TRIM71: variants seen among roughly 807,000 people sequenced by gnomAD.
TRIM71 encodes tripartite motif containing 71, also known as E3 ubiquitin-protein ligase TRIM71.
Under a neutral mutation model 61.2 loss-of-function variants are expected in TRIM71, and 9 were observed. The ratio of observed to expected loss-of-function variants is 0.15; its 90% confidence interval spans 0.09 to 0.26. The LOEUF (loss-of-function observed/expected upper bound fraction) is 0.26, where lower values mean the gene tolerates loss of function less well. TRIM71 is among the 10% of genes least tolerant of loss of function. The pLI is 1.00. For missense variants in TRIM71, 998 were observed against 1,238.7 expected, an observed-to-expected ratio of 0.81 and a Z score of 2.92; for synonymous variants, 645 against 553.2, an observed-to-expected ratio of 1.17 and a Z score of -2.33.
rs1374194681 is a variant in TRIM71 at position 32,842,770 on chromosome 3, C to T, written c.852+23838C>T. ...GGCTCTTCTGATCCCCATCTCCCCACCCCCACCCAAGAACCCTCTGTTCTG... is the reference window on the plus strand; with the variant it reads ...GGCTCTTCTGATCCCCATCTCCCCATCCCCACCCAAGAACCCTCTGTTCTG... On this transcript the variant is annotated intron_variant, in intron 1 of 3. Coordinates refer to ENST00000383763, the MANE Select transcript of TRIM71 (RefSeq NM_001039111.3). Among the ~76,000 whole-genome samples the T allele has an allele frequency of 5.3e-5, 8 of 152,038 alleles. No homozygotes were observed. In the South Asian group the frequency reaches 1.2e-3, roughly 24 times the overall value.
In TRIM71 at chr3:32,894,208, A is replaced by G. The variant is rs1362872346; in HGVS notation, c.*2397A>G. On this transcript the variant is annotated 3_prime_UTR_variant, in exon 4 of 4. Coordinates refer to ENST00000383763, the MANE Select transcript of TRIM71 (RefSeq NM_001039111.3). ...TTAAACACCAAAGACAACTGGTTTT[A>G]AATGCTTGAAAAAAATTTTATTGAG... 1 of 152,000 alleles carries G rather than the reference A, an allele frequency of 6.6e-6. No individual in the cohort carries two copies. Among genetic ancestry groups the G allele is most frequent in the Non-Finnish European group, 1.5e-5 (1 of 68,008 alleles). 9.4% of individuals were successfully genotyped at this position (152,000 alleles called of 1,614,324 possible).
rs573484985 is a variant in TRIM71 at position 32,867,155 on chromosome 3, C to T, written c.853-6663C>T. On this transcript the variant is annotated intron_variant, in intron 1 of 3. Coordinates refer to ENST00000383763, the MANE Select transcript of TRIM71 (RefSeq NM_001039111.3). ...GACCCCACTGCAGATTGTTCTTGGA[C>T]ACTCCCACTTTTACCACCCCCCTCC... 2.6e-5 allele frequency among the ~76,000 whole-genome samples: 4 copies of T among 152,102 alleles called. No homozygotes were observed. The South Asian group carries it at 8.3e-4, about 32-fold the overall frequency.
intron 1 of TRIM71, among the ~76,000 whole-genome samples, chr3:32,850,036 C>T (rs1696520722): frequency 6.6e-6 from 1 of 152,150 alleles, no homozygotes; most frequent in African/African-American, 2.4e-5. Context: ...AAAAATGAAA[C>T]AAAACCCCAC....
chr3:32,888,434 CAAAAAAAAAAAAAAAAAAAAAAA>C (rs56834147), intron 3 of TRIM71, among the ~76,000 whole-genome samples: 36,594 of 96,010 alleles, frequency 0.38, 5,931 homozygotes, highest in Middle Eastern at 0.47. Flanking sequence ...CCATCTCTAC[CAAAAAAAAAAAAAAAAAAAAAAA>C]AAAAAAAAAA....
intron 1 of TRIM71, among the ~76,000 whole-genome samples, chr3:32,828,502 CTTTTTTTT>C (rs67014189): frequency 5.4e-5 from 5 of 93,248 alleles, no homozygotes; most frequent in Non-Finnish European, 8.1e-5. Flanking sequence ...CAATTGTAAA[CTTTTTTTT>C]TTTTTTTTTT....
rs1182178339 is a variant in TRIM71 at position 32,833,184 on chromosome 3, T to TAAAAAAAA, written c.852+14273_852+14280dup. ...GGTGACAAGAATGAAACTCTGTCTT[T>TAAAAAAAA]AAAAAAAAAAAAAAAAAAAAAAAAA... On this transcript the variant is annotated intron_variant, in intron 1 of 3. Coordinates refer to ENST00000383763, the MANE Select transcript of TRIM71 (RefSeq NM_001039111.3). Among the ~76,000 whole-genome samples the TAAAAAAAA allele has an allele frequency of 3.7e-3, 204 of 54,410 alleles. 9 individuals are homozygous for TAAAAAAAA. Among genetic ancestry groups the TAAAAAAAA allele is most frequent in the East Asian group, 8.6e-3 (10 of 1,158 alleles). The allele number at this position is 54,410 out of a possible 152,430, so 35.7% of individuals were successfully genotyped here.
At chr3:32,840,307 A>C (rs1696389524) in intron 1 of TRIM71, among the ~76,000 whole-genome samples, 1 of 149,950 alleles carries the variant, frequency 6.7e-6, no homozygotes, top group Non-Finnish European at 1.5e-5. Context: ...TGATGTAGGC[A>C]CTCTTTTAAA....
intron 1 of TRIM71, among the ~76,000 whole-genome samples, chr3:32,848,842 C>T (rs1696506547): frequency 6.6e-6 from 1 of 152,114 alleles, no homozygotes; most frequent in Admixed American, 6.6e-5. Flanking sequence ...GCTGAGCTTT[C>T]ATGTGGTAGT....
At chr3:32,830,835 TTTG>T (rs1436563969) in intron 1 of TRIM71, among the ~76,000 whole-genome samples, 1 of 151,994 alleles carries the variant, frequency 6.6e-6, no homozygotes, top group Non-Finnish European at 1.5e-5. Flanking sequence ...TGTTTTGATG[TTTG>T]TTTGTTTTTT....
In TRIM71 at chr3:32,896,120, A is replaced by T. The variant is rs1316763120; in HGVS notation, c.*4309A>T. ...ATGAAACTACTGGTTAATCTGACCT[A>T]TTGGAGGACTTAACTACAAATAAAG... On this transcript the variant is annotated 3_prime_UTR_variant, in exon 4 of 4. Coordinates refer to ENST00000383763, the MANE Select transcript of TRIM71 (RefSeq NM_001039111.3). The T allele has an allele frequency of 6.6e-6, 1 of 152,224 alleles. No homozygotes were observed. Among genetic ancestry groups the T allele is most frequent in the Non-Finnish European group, 1.5e-5 (1 of 68,034 alleles). 9.4% of individuals were successfully genotyped at this position (152,224 alleles called of 1,614,324 possible).
At chr3:32,830,839 T>C (rs915963041) in intron 1 of TRIM71, among the ~76,000 whole-genome samples, 4 of 152,088 alleles carry the variant, frequency 2.6e-5, no homozygotes, top group Non-Finnish European at 5.9e-5. Context: ...TTGATGTTTG[T>C]TTGTTTTTTT....
chr3:32,867,660 G>A (rs780979345), intron 1 of TRIM71, among the ~76,000 whole-genome samples: 1 of 152,120 alleles, frequency 6.6e-6, no homozygotes, highest in African/African-American at 2.4e-5. Context: ...TTTGAAGTCT[G>A]TATGCATTGT....
At chr3:32,889,559 A>AGTT (rs1553647452) in intron 3 of TRIM71, among the ~76,000 whole-genome samples, 1 of 139,604 alleles carries the variant, frequency 7.2e-6, no homozygotes, top group East Asian at 2.1e-4. Context: ...GTTTTGTCCC[A>AGTT]ATTATTATTA....
intron 1 of TRIM71, among the ~76,000 whole-genome samples, chr3:32,836,856 AAT>A (rs1418234971): frequency 6.6e-6 from 1 of 152,184 alleles, no homozygotes; most frequent in Non-Finnish European, 1.5e-5. Flanking sequence ...CTATTAAGGA[AAT>A]AGTCTCTGCA....
chr3:32,842,338 C>G (rs1017642761), intron 1 of TRIM71, among the ~76,000 whole-genome samples: 1 of 152,216 alleles, frequency 6.6e-6, no homozygotes, highest in Non-Finnish European at 1.5e-5. Flanking sequence ...TTTCATGACT[C>G]AAGCTTGCCT....
At chr3:32,889,536 A>G (rs1178076384) in intron 3 of TRIM71, among the ~76,000 whole-genome samples, 1 of 149,858 alleles carries the variant, frequency 6.7e-6, no homozygotes, top group African/African-American at 2.4e-5. Flanking sequence ...CTCCAGATTT[A>G]CTGATTATGT....
chr3:32,841,202 G>A (rs933165930), intron 1 of TRIM71, among the ~76,000 whole-genome samples: 1 of 152,070 alleles, frequency 6.6e-6, no homozygotes, highest in Non-Finnish European at 1.5e-5. Context: ...CTGAGATCGC[G>A]CCACTGCACT....
chr3:32,890,346 G>C lies in TRIM71; in HGVS notation c.1156-14G>C, dbSNP rs1321301143. 5 of 1,601,958 alleles carry C rather than the reference G, an allele frequency of 3.1e-6. No homozygotes were observed. The African/African-American group carries it at 5.4e-5, about 17-fold the overall frequency. On this transcript the variant is annotated splice_polypyrimidine_tract_variant and intron_variant, in intron 3 of 3. Transcript: ENST00000383763. This position sits in a 1 kb window ranked among gnomAD's most constrained non-coding sequence, Gnocchi z 6.2. ...AGCCTCTGTGTCTTTCTCCACTCTT[G>C]CTTTTCCCTCCAGGTAGAAAAGATC...
chr3:32,843,951 C>G (rs1485702675), intron 1 of TRIM71, among the ~76,000 whole-genome samples: 1 of 145,020 alleles, frequency 6.9e-6, no homozygotes. Context: ...TCCAGATAAA[C>G]GCACTTTTTT....
Sources: allele counts gnomAD v4.1 joint callset (sites outside exome capture counted in the v4.1 genomes callset), GRCh38; gene constraint gnomAD v4.1.1; non-coding constraint Gnocchi (gnomAD v3.1); transcripts MANE v1.5; gene names NCBI Gene and HGNC (gene_info 2026-07-23, HGNC 2026-07-21).